The following ARSD variants were observed in gnomAD, a reference collection of about 807,000 sequenced individuals.
ARSD encodes the protein arylsulfatase D, also known as testis tissue sperm-binding protein Li 39a.
Under a neutral mutation model 32.6 loss-of-function variants are expected in ARSD, and 21 were observed. The observed-to-expected ratio is 0.64, with a 90% CI of 0.46 to 0.93. ARSD has a LOEUF of 0.93. ARSD is among the 40% of genes least tolerant of loss of function. The pLI is 0.00. For synonymous variants in ARSD, 224 were observed against 237.4 expected, an observed-to-expected ratio of 0.94 and a Z score of 0.52; for missense variants, 454 against 520.9, an observed-to-expected ratio of 0.87 and a Z score of 1.25.
At chrX:2,914,030 G>A (rs927047718) in intron 6 of ARSD, 1 of 565,423 alleles carries the variant, frequency 1.8e-6, no homozygotes, top group Non-Finnish European at 2.2e-6. Context: ...AGAAGCAGAT[G>A]CTGCCATGCT....
chrX:2,925,989 T>C (rs911369795), intron 1 of ARSD, among the ~76,000 whole-genome samples: 5 of 111,486 alleles, frequency 4.5e-5, no homozygotes, highest in African/African-American at 1.6e-4. Context: ...TGCAGATGAA[T>C]TGGGAAAGAA....
chrX:2,909,919 G>A lies in ARSD; in HGVS notation c.1196C>T (p.Pro399Leu). 4.1e-6 allele frequency: 5 copies of A among 1,210,723 alleles called. No individual in the cohort carries two copies. The highest frequency in any genetic ancestry group is 4.5e-6 in the Non-Finnish European group (4 of 895,271). ...CACTCGGCCGGCCGGGAGCACCCCC[G>A]GCCAGTGGAAGATCCCGGGCACGCG... ...GIRVPGIFHW[P>L]GVLPAGRVIG... Residue 399 changes from proline to leucine, a missense_variant, in exon 8 of 10, where the codon CCG (proline) becomes CTG (leucine). Around this residue, in one of 3 missense-constraint regions of ARSD, gnomAD observed 179 missense variants for 198.5 expected, o/e 0.90. Coordinates refer to ENST00000381154, the MANE Select transcript of ARSD (RefSeq NM_001669.4).
At chrX:2,913,344 TG>T (rs1226582643) in intron 6 of ARSD, 2 of 140,479 alleles carry the variant, frequency 1.4e-5, no homozygotes, top group African/African-American at 6.4e-5. Flanking sequence ...AAGGTCTGTG[TG>T]GATGTTCATG....
At chrX:2,913,045 CAT>C (rs754244162) in intron 6 of ARSD, among the ~76,000 whole-genome samples, 3 of 112,168 alleles carry the variant, frequency 2.7e-5, no homozygotes, top group Non-Finnish European at 5.6e-5. Context: ...GCCCTGATGA[CAT>C]GTGCCCACCG....
chrX:2,912,077 C>T (rs755322192), intron 6 of ARSD, among the ~76,000 whole-genome samples: 3 of 111,203 alleles, frequency 2.7e-5, no homozygotes, highest in Non-Finnish European at 5.7e-5. Flanking sequence ...GAGGTCAAGG[C>T]TGCAATGAGT....
intron 1 of ARSD, among the ~76,000 whole-genome samples, chrX:2,927,417 G>A (rs1425002872): frequency 9.1e-6 from 1 of 109,735 alleles, no homozygotes; most frequent in Non-Finnish European, 1.9e-5. Context: ...CTGCCACCAC[G>A]CCCGGCTAAT....
intron 6 of ARSD, chrX:2,914,121 G>C: frequency 1.3e-6 from 1 of 750,634 alleles, no homozygotes; most frequent in Non-Finnish European, 1.6e-6. Flanking sequence ...TTCTTTGCAA[G>C]AATGGACTAA....
At chrX:2,920,131 T>TGG (rs2089014837) in intron 4 of ARSD, among the ~76,000 whole-genome samples, 1 of 110,969 alleles carries the variant, frequency 9.0e-6, no homozygotes, top group Non-Finnish European at 1.9e-5. Context: ...GCTTTTGAGA[T>TGG]GGTGAGTGGC....
intron 5 of ARSD, among the ~76,000 whole-genome samples, chrX:2,916,889 A>T (rs1192624456): frequency 9.0e-6 from 1 of 111,151 alleles, no homozygotes; most frequent in Non-Finnish European, 1.9e-5. Flanking sequence ...ATCGTTATTC[A>T]GTGTATACAT....
intron 2 of ARSD, among the ~76,000 whole-genome samples, chrX:2,924,187 C>T: frequency 8.8e-6 from 1 of 113,023 alleles, no homozygotes. Flanking sequence ...CATGCGCCAC[C>T]ACACCTGGCT....
At chrX:2,915,729 A>G (rs755206411) in intron 5 of ARSD, 37 bp from the exon 6 acceptor site, 1 of 1,181,642 alleles carries the variant, frequency 8.5e-7, no homozygotes, top group Non-Finnish European at 1.1e-6. Context: ...TACACAGAAT[A>G]TACAGTACAC....
chrX:2,909,173 T>G (rs1276368805), intron 8 of ARSD, among the ~76,000 whole-genome samples: 4 of 108,404 alleles, frequency 3.7e-5, no homozygotes, highest in Non-Finnish European at 7.6e-5. Context: ...CAGCCCACAT[T>G]CCTAGGTTGG....
At chrX:2,917,780 C>T (rs1413113849) in intron 5 of ARSD, 24 bp downstream of exon 5, 1 of 1,187,339 alleles carries the variant, frequency 8.4e-7, no homozygotes, top group African/African-American at 1.8e-5. Flanking sequence ...CCCATCTCCT[C>T]TTTAAGATGC....
chrX:2,908,909 G>C (rs1378618722), intron 8 of ARSD, 67 bp from the exon 9 acceptor site: 8 of 1,195,837 alleles, frequency 6.7e-6, no homozygotes, highest in East Asian at 3.0e-5. Flanking sequence ...TTTGCACCTG[G>C]GAACACATCT....
intron 6 of ARSD, among the ~76,000 whole-genome samples, chrX:2,912,572 GT>G (rs2088911173): frequency 9.0e-6 from 1 of 111,557 alleles, no homozygotes; most frequent in Non-Finnish European, 1.9e-5. Flanking sequence ...ATTTTACGGA[GT>G]TTGACTCTTT....
intron 8 of ARSD, 64 bp downstream of exon 8, chrX:2,909,753 T>TAAA (rs61456366): frequency 9.4e-5 from 76 of 806,526 alleles, no homozygotes; most frequent in East Asian, 4.6e-4. Context: ...CCTATTGAAA[T>TAAA]AAAAAAAAAA....
intron 7 of ARSD, among the ~76,000 whole-genome samples, chrX:2,910,442 C>G (rs1227324691): frequency 9.0e-6 from 1 of 110,939 alleles, no homozygotes; most frequent in Non-Finnish European, 1.9e-5. Context: ...ATTTATACCT[C>G]TCTGTATTCT....
chrX:2,917,231 C>CA (rs112312223), intron 5 of ARSD, among the ~76,000 whole-genome samples: 49 of 103,619 alleles, frequency 4.7e-4, no homozygotes, highest in African/African-American at 1.0e-3. Context: ...ACAAAGAATG[C>CA]AAAAAAAAAA....
At position 2,915,588 on chromosome X, in the gene ARSD, C is replaced by T; in HGVS notation, c.968G>A (p.Gly323Asp). 42 of 1,211,467 alleles carry T rather than the reference C, an allele frequency of 3.5e-5. No homozygotes were observed. Among genetic ancestry groups the T allele is most frequent in the Non-Finnish European group, 4.7e-5 (42 of 895,242 alleles). The change falls in exon 6 of 10, where the codon GGT becomes GAT. Residue 323 changes from glycine (G) to aspartate (D), a missense_variant. Transcript: ENST00000381154. ...FLGKSQHGLY[G>D]DNVEEMDWLI... ...CCAGTCCATCTCCTCCACATTATCACCATATAAGCCATGCTGACTTTTCCC... is the reference window on the plus strand; with the variant it reads ...CCAGTCCATCTCCTCCACATTATCATCATATAAGCCATGCTGACTTTTCCC...
Sources: allele counts gnomAD v4.1 joint callset (sites outside exome capture counted in the v4.1 genomes callset), GRCh38; gene constraint gnomAD v4.1.1; regional missense constraint gnomAD v4.1.1; transcripts MANE v1.5; gene names NCBI Gene and HGNC (gene_info 2026-07-23, HGNC 2026-07-21).